Variants in CCDC178 observed in about 807,000 individuals in gnomAD.
CCDC178 encodes coiled-coil domain containing 178.
A neutral mutation model predicts 117.4 loss-of-function variants in CCDC178; 126 were observed. The ratio of observed to expected loss-of-function variants is 1.07; its 90% CI spans 0.93 to 1.24. CCDC178 has a LOEUF of 1.24. Ranked by LOEUF, CCDC178 falls within the 50% of genes most tolerant of loss-of-function variation. The probability of loss-of-function intolerance (pLI) is 0.00; values close to 1 mark genes in which losing one functional copy is unlikely to be tolerated. For missense variants in CCDC178, 1,030 were observed against 986.9 expected (o/e 1.04, Z -0.59); for synonymous variants, 283 against 313.4 (o/e 0.90, Z 1.02).
intron 12 of CCDC178, among the ~76,000 whole-genome samples, chr18:33,268,163 AAAAAGGTATCTGAGACTACCC>A (rs1285470181): frequency 1.3e-5 from 2 of 151,936 alleles, no homozygotes; most frequent in East Asian, 3.9e-4. Flanking sequence ...TTCACATGGA[AAAAAGGTATCTGAGACTACCC>A]AAAAGGTATC....
chr18:33,316,059 C>T lies in CCDC178; in HGVS notation c.1022+7432G>A, dbSNP rs145963315. On this transcript the variant is annotated intron_variant, in intron 11 of 22. Transcript: ENST00000383096. The stretch of plus-strand genomic sequence containing the variant: ...TATCTGTCCTTTTGAGAGGTGACAG[C>T]GTGCTGGCAGTCCTGGCAGCCCTCG... 4.8e-3 allele frequency among the ~76,000 whole-genome samples: 726 copies of T among 152,302 alleles called. 5 individuals carry two copies. Among genetic ancestry groups the T allele is most frequent in the African/African-American group, 0.017 (693 of 41,570 alleles).
chr18:33,249,539 G>T (rs1228181971), intron 14 of CCDC178, among the ~76,000 whole-genome samples: 4 of 151,994 alleles, frequency 2.6e-5, no homozygotes, highest in Admixed American at 2.0e-4. Context: ...TTTCCCCATT[G>T]CTTGTTTTTG....
chr18:33,399,572 C>T (rs1319370625), intron 3 of CCDC178, among the ~76,000 whole-genome samples: 1 of 152,218 alleles, frequency 6.6e-6, no homozygotes, highest in East Asian at 1.9e-4. Context: ...GAATAGAGTT[C>T]ATCTCAGGAA....
intron 21 of CCDC178, among the ~76,000 whole-genome samples, chr18:33,041,517 A>G (rs1341461461): frequency 6.6e-6 from 1 of 151,150 alleles, no homozygotes; most frequent in African/African-American, 2.4e-5. Context: ...ATTTCAAAAA[A>G]GAACCAAAGT....
intron 22 of CCDC178, among the ~76,000 whole-genome samples, chr18:32,943,690 A>AT (rs1381224218): frequency 6.6e-6 from 1 of 152,216 alleles, no homozygotes; most frequent in East Asian, 1.9e-4. Context: ...AACACTGAAT[A>AT]TTCTATTCCA....
chr18:33,213,355 T>C (rs2059128834), intron 19 of CCDC178, among the ~76,000 whole-genome samples: 1 of 151,962 alleles, frequency 6.6e-6, no homozygotes, highest in Non-Finnish European at 1.5e-5. Flanking sequence ...GGAAATAAGG[T>C]TCTTCTCCTC....
At position 33,333,681 on chromosome 18, in the gene CCDC178, TTTGTATTTTTAG is replaced by T. The variant is rs1199992988; in HGVS notation, c.659-299_659-288del. On this transcript the variant is annotated intron_variant, in intron 9 of 22. Coordinates refer to ENST00000383096, the MANE Select transcript of CCDC178 (RefSeq NM_001105528.4). ...GCATGTGCCACCATGTCTGGCTAAT[TTTGTATTTTTAG>T]TAGAGATGGGGTTTCTCCATGTTGG... 2.0e-5 allele frequency among the ~76,000 whole-genome samples: 3 copies of T among 152,024 alleles called. No individual in the cohort carries two copies. The East Asian group carries it at 5.8e-4, about 30-fold the overall frequency.
At chr18:32,980,565 C>A (rs1246208336) in intron 21 of CCDC178, among the ~76,000 whole-genome samples, 3 of 77,462 alleles carry the variant, frequency 3.9e-5, no homozygotes, top group Non-Finnish European at 5.2e-5. Context: ...AACGAGACTC[C>A]GTCTCAAAAA....
chr18:33,212,003 C>A lies in CCDC178; in HGVS notation c.2131G>T (p.Asp711Tyr), dbSNP rs1483735995. Residue 711 changes from aspartate to tyrosine, a missense_variant, in exon 20 of 23, where the codon GAT (aspartate) becomes TAT (tyrosine). Physicochemically the swap from Asp to Tyr is radical, Grantham distance 160 (BLOSUM62 -3). Coordinates refer to ENST00000383096, the MANE Select transcript of CCDC178 (RefSeq NM_001105528.4). ...FKREHAQTVF[D>Y]HYMQEKKDCE... ...TCTTTTTTCTCTTGCATATAATGAT[C>A]AAACACAGTTTGTGCATGTTCCCTT... is the stretch of plus-strand genomic sequence containing the variant. The A allele has an allele frequency of 6.2e-7, 1 of 1,606,480 alleles. No individual in the cohort carries two copies. Among genetic ancestry groups the A allele is most frequent in the Non-Finnish European group, 8.5e-7 (1 of 1,176,546 alleles).
chr18:33,046,995 A>C (rs569293583), intron 21 of CCDC178, among the ~76,000 whole-genome samples: 1 of 152,326 alleles, frequency 6.6e-6, no homozygotes, highest in South Asian at 2.1e-4. Flanking sequence ...ATGTATGGTA[A>C]AACATTGTAT....
At chr18:33,440,518 G>A (rs1479135629) in intron 1 of CCDC178, 135 bp downstream of exon 1, 1 of 151,852 alleles carries the variant, frequency 6.6e-6, no homozygotes, top group African/African-American at 2.4e-5. Flanking sequence ...ACTCCCTCAG[G>A]GTGGCCAGGG....
chr18:33,148,016 G>C (rs879803603), intron 20 of CCDC178, among the ~76,000 whole-genome samples: 3 of 151,526 alleles, frequency 2.0e-5, no homozygotes, highest in African/African-American at 7.3e-5. Context: ...CCTCCCGGAC[G>C]GGGCGGCTGG....
chr18:33,160,886 C>T (rs767361866), intron 20 of CCDC178, among the ~76,000 whole-genome samples: 4 of 152,122 alleles, frequency 2.6e-5, no homozygotes, highest in Non-Finnish European at 5.9e-5. Context: ...CTTGACTCTT[C>T]ATTACATTTT....
intron 8 of CCDC178, among the ~76,000 whole-genome samples, chr18:33,348,229 A>C (rs987932794): frequency 3.9e-5 from 6 of 151,922 alleles, no homozygotes; most frequent in African/African-American, 1.4e-4. Flanking sequence ...TCCTGAGTTT[A>C]TTACTTAGTT....
chr18:33,256,442 G>C (rs1388641669), intron 14 of CCDC178, among the ~76,000 whole-genome samples: 1 of 152,026 alleles, frequency 6.6e-6, no homozygotes, highest in East Asian at 1.9e-4. Flanking sequence ...TATCTAAAGA[G>C]GAAGGATGCA....
intron 20 of CCDC178, among the ~76,000 whole-genome samples, chr18:33,100,020 G>T (rs902177060): frequency 2.0e-5 from 3 of 151,848 alleles, no homozygotes; most frequent in Non-Finnish European, 2.9e-5. Context: ...TCAAAAGTAC[G>T]TACTGAGCAA....
chr18:32,949,068 C>T lies in CCDC178; in HGVS notation c.2524-10977G>A, dbSNP rs574041477. 2.6e-5 allele frequency among the ~76,000 whole-genome samples: 4 copies of T among 152,182 alleles called. No individual in the cohort carries two copies. In the East Asian group the frequency reaches 5.8e-4, roughly 22 times the overall value. ...CCCCATTACTTTAAATATGTTACTCCGCTCTCTTCTCATTTGCATTGTTAC... is the reference window on the plus strand; with the variant it reads ...CCCCATTACTTTAAATATGTTACTCTGCTCTCTTCTCATTTGCATTGTTAC... On this transcript the variant is annotated intron_variant, in intron 22 of 22. Coordinates refer to ENST00000383096, the MANE Select transcript of CCDC178 (RefSeq NM_001105528.4).
chr18:32,998,809 C>T (rs1236968812), intron 21 of CCDC178, among the ~76,000 whole-genome samples: 1 of 151,968 alleles, frequency 6.6e-6, no homozygotes, highest in Non-Finnish European at 1.5e-5. Flanking sequence ...CATGTGGGCC[C>T]TGAATAATGA....
chr18:33,405,555 A>C (rs2063769481), intron 3 of CCDC178, among the ~76,000 whole-genome samples: 1 of 149,926 alleles, frequency 6.7e-6, no homozygotes, highest in African/African-American at 2.5e-5. Context: ...ATACTCTCAT[A>C]AACAAAAAAT....
Sources: gnomAD v4.1 joint callset for allele counts (sites outside exome capture counted in the v4.1 genomes callset) on GRCh38, gnomAD v4.1.1 for gene constraint, MANE v1.5 for transcripts, NCBI Gene and HGNC (gene_info 2026-07-23, HGNC 2026-07-21) for gene names.